LGALS9: variants seen among roughly 807,000 people sequenced by gnomAD.
LGALS9 encodes the protein galectin 9, also known as galectin-9.
Under a neutral mutation model 35.9 loss-of-function variants are expected in LGALS9, and 26 were observed. That is an observed-to-expected ratio of 0.72 (90% CI 0.53 to 1.01). The LOEUF is 1.01. Ranked by LOEUF, LGALS9 falls within the 50% of genes least tolerant of loss-of-function variation. The probability of loss-of-function intolerance (pLI) is 0.00; values close to 1 mark genes in which losing one functional copy is unlikely to be tolerated. For missense variants in LGALS9, 347 were observed against 445.8 expected, an observed-to-expected ratio of 0.78 and a Z score of 1.99; for synonymous variants, 149 against 172.2, an observed-to-expected ratio of 0.87 and a Z score of 1.06.
chr17:27,646,941 T>G, intron 8 of LGALS9, 89 bp from the exon 9 acceptor site: 3 of 1,576,092 alleles, frequency 1.9e-6, no homozygotes, highest in Non-Finnish European at 2.6e-6. Flanking sequence ...TATCATGGGC[T>G]TCTTCTCAGC....
chr17:27,647,175 G>A (rs1905016067), intron 9 of LGALS9, 57 bp downstream of exon 9: 1 of 1,614,030 alleles, frequency 6.2e-7, no homozygotes, highest in African/African-American at 1.3e-5. Flanking sequence ...GGTCAGTCCA[G>A]CCATTCCCCT....
At position 27,647,095 on chromosome 17, in the gene LGALS9, C is replaced by A. The variant is rs765849777; in HGVS notation, c.735C>A (p.Gly245=). ...CATCCAAGTCCATCCTCCTGTCAGG[C>A]ACTGTCCTGCCCAGTGCTCAGAGGT... The part of the protein sequence containing the change: ...LYPSKSILLS[G]TVLPSAQRFH... Residue 245 remains glycine, a synonymous_variant, in exon 9 of 11, where the codon GGC becomes GGA. Transcript: ENST00000395473. 2.5e-6 allele frequency: 4 copies of A among 1,614,210 alleles called. No individual in the cohort carries two copies. In the Admixed American group the frequency reaches 5.0e-5, roughly 20 times the overall value.
chr17:27,641,655 G>A (rs1904508475), intron 3 of LGALS9, among the ~76,000 whole-genome samples: 1 of 152,134 alleles, frequency 6.6e-6, no homozygotes, highest in South Asian at 2.1e-4. Context: ...TGCACATCCT[G>A]TACTTGCACC....
rs1904891578 is a variant in LGALS9, at chr17:27,645,797, T to C, written c.577-64T>C. ...GGAGGGTGCCTGCCGTGTGGCGCCC[T>C]CTGGTGGGAGCTGGTGGTTTTCACA... On this transcript the variant is annotated intron_variant, in intron 6 of 10. Transcript: ENST00000395473. The C allele has an allele frequency of 7.2e-6, 10 of 1,387,806 alleles. No individual in the cohort carries two copies. In the South Asian group the frequency reaches 1.3e-4, roughly 17 times the overall value. The allele number at this position is 1,387,806 out of a possible 1,614,324, so 86.0% of individuals were successfully genotyped here.
intron 5 of LGALS9, among the ~76,000 whole-genome samples, chr17:27,643,899 G>C (rs113887266): frequency 0.021 from 3,186 of 152,170 alleles, 116 homozygotes; most frequent in African/African-American, 0.073. Context: ...TCACCATGAC[G>C]ACAGGGGTCC....
rs539445418 is a variant in LGALS9, at chr17:27,634,015, C to T, written c.39+2711C>T. Among the ~76,000 whole-genome samples the T allele has an allele frequency of 7.9e-5, 12 of 152,352 alleles. No individual in the cohort carries two copies. In the South Asian group the frequency reaches 2.3e-3, roughly 29 times the overall value. ...GCACCACATGGAACAAAAGCAGGTC[C>T]GGTTGTTTTCCTGGGTTTTCTGGAC... On this transcript the variant is annotated intron_variant, in intron 1 of 10. Coordinates refer to ENST00000395473, the MANE Select transcript of LGALS9 (RefSeq NM_009587.3).
chr17:27,646,866 C>T (rs1206165869), intron 8 of LGALS9, among the ~76,000 whole-genome samples, 164 bp from the exon 9 acceptor site: 2 of 152,188 alleles, frequency 1.3e-5, no homozygotes, highest in Non-Finnish European at 2.9e-5. Context: ...TGACACTAAT[C>T]TAAGCCCATT....
At chr17:27,637,425 C>T (rs1342925685) in intron 1 of LGALS9, among the ~76,000 whole-genome samples, 1 of 152,244 alleles carries the variant, frequency 6.6e-6, no homozygotes, top group Non-Finnish European at 1.5e-5. Flanking sequence ...AGCTAGGATT[C>T]AGACCTGGAG....
chr17:27,631,317 G>A lies in LGALS9; in HGVS notation c.39+13G>A. ...CTACCTGAGTCCAGTGAGTTCCAGG[G>A]CTATGGGCACAGGGCTGCCTCAGCC... On this transcript the variant is annotated intron_variant, in intron 1 of 10. Transcript: ENST00000395473. The A allele has an allele frequency of 6.2e-7, 1 of 1,614,158 alleles. No individual in the cohort carries two copies. Among genetic ancestry groups the A allele is most frequent in the East Asian group, 2.2e-5 (1 of 44,880 alleles).
At chr17:27,631,589 CG>C (rs2074393486) in intron 1 of LGALS9, among the ~76,000 whole-genome samples, 1 of 152,060 alleles carries the variant, frequency 6.6e-6, no homozygotes, top group African/African-American at 2.4e-5. Context: ...ACATGTAGAG[CG>C]GGGTGGTTCA....
intron 8 of LGALS9, 33 bp from the exon 9 acceptor site, chr17:27,646,996 CG>C (rs778227227): frequency 5.0e-6 from 8 of 1,613,556 alleles, no homozygotes; most frequent in South Asian, 1.1e-5. Flanking sequence ...TCCCCTTCCG[CG>C]TGGTGGCTGA....
chr17:27,643,651 G>A (rs758822517), intron 5 of LGALS9, 31 bp downstream of exon 5: 164 of 1,579,516 alleles, frequency 1.0e-4, no homozygotes, highest in African/African-American at 1.5e-4. Flanking sequence ...CTGGGTGGCC[G>A]AGCAGACAGT....
chr17:27,638,672 T>C (rs2074481794), intron 2 of LGALS9: 1 of 381,842 alleles, frequency 2.6e-6, no homozygotes, highest in Non-Finnish European at 5.0e-6. Flanking sequence ...GTTGCAAAAA[T>C]CAAACTTCCT....
Position 27,640,752 on chromosome 17 carries a change from G to A in LGALS9, c.312G>A (p.Leu104=), listed in dbSNP as rs1201967378. The A allele has an allele frequency of 4.3e-6, 7 of 1,614,120 alleles. No homozygotes were observed. Among genetic ancestry groups the A allele is most frequent in the South Asian group, 1.1e-5 (1 of 91,080 alleles). Residue 104 remains leucine (L), a synonymous_variant, in exon 3 of 11, where the codon CTG becomes CTA. Transcript: ENST00000395473. ...GGATGCCCTTTGACCTCTGCTTCCT[G>A]GTGCAGAGCTCAGATTTCAAGGTGA... The part of the protein sequence containing the change: ...QKGMPFDLCF[L]VQSSDFKVMV...
At chr17:27,646,176 T>G (rs950981451) in intron 7 of LGALS9, among the ~76,000 whole-genome samples, 2 of 151,926 alleles carry the variant, frequency 1.3e-5, no homozygotes, top group East Asian at 1.9e-4. Flanking sequence ...TGTCACCAAG[T>G]GGGGAGTACA....
intron 1 of LGALS9, among the ~76,000 whole-genome samples, chr17:27,637,150 G>A (rs145308118): frequency 1.6e-4 from 24 of 152,080 alleles, no homozygotes; most frequent in African/African-American, 3.9e-4. Flanking sequence ...GTTATAGAAC[G>A]ACATTGGATA....
intron 1 of LGALS9, among the ~76,000 whole-genome samples, chr17:27,634,626 G>T (rs910726197): frequency 6.6e-6 from 1 of 152,142 alleles, no homozygotes; most frequent in Admixed American, 6.5e-5. Flanking sequence ...TCTTGCTTCT[G>T]TGCTTCTGTT....
chr17:27,639,873 A>G (rs972126080), intron 2 of LGALS9, among the ~76,000 whole-genome samples: 1 of 152,162 alleles, frequency 6.6e-6, no homozygotes, highest in Non-Finnish European at 1.5e-5. Flanking sequence ...AGTAGCTGGG[A>G]CTACAGGCTC....
intron 2 of LGALS9, among the ~76,000 whole-genome samples, chr17:27,639,668 T>C (rs1422782204): frequency 6.6e-6 from 1 of 152,150 alleles, no homozygotes; most frequent in African/African-American, 2.4e-5. Flanking sequence ...TTCCTGGGCT[T>C]GAGTGATCCT....
Sources: allele counts gnomAD v4.1 joint callset (sites outside exome capture counted in the v4.1 genomes callset), GRCh38; gene constraint gnomAD v4.1.1; transcripts MANE v1.5; gene names NCBI Gene and HGNC (gene_info 2026-07-23, HGNC 2026-07-21).